VARS1: variants seen among roughly 807,000 people sequenced by gnomAD.
VARS1 encodes valine--tRNA ligase.
Under a neutral mutation model 161.0 loss-of-function variants are expected in VARS1, and 92 were observed. The ratio of observed to expected loss-of-function variants is 0.57; its 90% CI spans 0.48 to 0.68. The LOEUF (loss-of-function observed/expected upper bound fraction) is 0.68, where lower values mean the gene tolerates loss of function less well. VARS1 is among the 30% of genes least tolerant of loss of function. VARS1 has a pLI of 0.00. For synonymous variants in VARS1, 595 were observed against 682.5 expected (o/e 0.87, Z 2.00); for missense variants, 1,338 against 1,695.9 (o/e 0.79, Z 3.71).
In VARS1 at chr6:31,779,471, C is replaced by T. The variant is rs146317957; in HGVS notation, c.3354G>A (p.Val1118=). The change falls in exon 28 of 30, where the codon GTG becomes GTA. Residue 1118 remains valine (V), a synonymous_variant. Transcript: ENST00000375663. This position sits in a 1 kb window ranked among gnomAD's most constrained non-coding sequence, Gnocchi z 9.1. ...GGTTGTAGTCGGCCCGCAGGGAGCG[C>T]ACGGCTCGCGTGATGCTTAGCGCCA... ...LELALSITRA[V]RSLRADYNLT... is the part of the protein sequence containing the mutation. 106 of 1,612,628 alleles carry T rather than the reference C, an allele frequency of 6.6e-5. No homozygotes were observed. The highest frequency in any genetic ancestry group is 2.7e-4 in the Admixed American group (16 of 59,988).
rs764924777 is a variant in VARS1, at chr6:31,784,587, G to A, written c.1467+8C>T. 2 of 1,613,368 alleles carry A rather than the reference G, an allele frequency of 1.2e-6. No individual in the cohort carries two copies. The highest frequency in any genetic ancestry group is 1.7e-6 in the Non-Finnish European group (2 of 1,180,048). On this transcript the variant is annotated splice_region_variant and intron_variant, in intron 11 of 29. Transcript: ENST00000375663. This position sits in a 1 kb window ranked among gnomAD's most constrained non-coding sequence, Gnocchi z 6.1. The stretch of plus-strand genomic sequence containing the variant: ...GGAGATGGAGACAGGCCAGGTTGGG[G>A]GGCGCACCTCAATGTCAGAGATGGC...
At chr6:31,783,033 G>A (rs1813260230) in intron 14 of VARS1, 63 bp downstream of exon 14, 43 of 1,582,914 alleles carry the variant, frequency 2.7e-5, no homozygotes, top group South Asian at 1.1e-5. Flanking sequence ...TCTGAGAGAA[G>A]ATGGACAGCT....
chr6:31,791,474 CAG>C lies in VARS1; in HGVS notation c.1100+134_1100+135del. 2.4e-6 allele frequency: 3 copies of C among 1,265,004 alleles called. No homozygotes were observed. The highest frequency in any genetic ancestry group is 2.9e-5 in the Admixed American group (1 of 34,220). 78.4% of individuals were successfully genotyped at this position (1,265,004 alleles called of 1,614,324 possible). On this transcript the variant is annotated intron_variant, in intron 8 of 29. Transcript: ENST00000375663. The surrounding 1 kb of genome is among the most constrained non-coding windows in gnomAD (Gnocchi z 5.0). ...AAGCTAAATGATCAGATTGGAATGA[CAG>C]AGAGAAGTGTAGCACCACTGGGGGC... is the stretch of plus-strand genomic sequence containing the variant.
Position 31,782,016 on chromosome 6 carries a change from C to T in VARS1, c.2242-64G>A. The T allele has an allele frequency of 6.2e-7, 1 of 1,612,550 alleles. No individual in the cohort carries two copies. The highest frequency in any genetic ancestry group is 8.5e-7 in the Non-Finnish European group (1 of 1,179,366). On this transcript the variant is annotated intron_variant, in intron 18 of 29. Coordinates refer to ENST00000375663, the MANE Select transcript of VARS1 (RefSeq NM_006295.3). The surrounding 1 kb of genome is among the most constrained non-coding windows in gnomAD (Gnocchi z 8.3). ...GCTTCTGGCTCACCCTGCCCCTCCC[C>T]CCACCAAGGACCCAGTAAACCCACC...
rs1452326713 is a variant in VARS1, at chr6:31,778,401, G to A, written c.3726+566C>T. Among the ~76,000 whole-genome samples the A allele has an allele frequency of 6.6e-6, 1 of 152,232 alleles. No individual in the cohort carries two copies. Among genetic ancestry groups the A allele is most frequent in the Non-Finnish European group, 1.5e-5 (1 of 68,048 alleles). ...CCCCAGCTGCTCCCCATGTGTAAGGGGAGGGCCTTCTATGGTCCCTGCTCA... is the reference window on the plus strand; with the variant it reads ...CCCCAGCTGCTCCCCATGTGTAAGGAGAGGGCCTTCTATGGTCCCTGCTCA... On this transcript the variant is annotated intron_variant, in intron 29 of 29. Coordinates refer to ENST00000375663, the MANE Select transcript of VARS1 (RefSeq NM_006295.3). The surrounding 1 kb of genome is among the most constrained non-coding windows in gnomAD (Gnocchi z 5.1).
Position 31,792,263 on chromosome 6 carries a change from A to C in VARS1, c.825T>G (p.Pro275=). ...TTGGGAGGTCATAGGTAATGACCCC[A>C]GGATCCCGTTTCTCCCTCTTCTCTG... The part of the protein sequence containing the change: ...PKPEKREKRD[P]GVITYDLPTP... The change falls in exon 6 of 30, where the codon CCT becomes CCG. Residue 275 remains proline, a synonymous_variant. Transcript: ENST00000375663. The C allele has an allele frequency of 2.5e-6, 4 of 1,613,984 alleles. No individual in the cohort carries two copies. Among genetic ancestry groups the C allele is most frequent in the Non-Finnish European group, 3.4e-6 (4 of 1,179,990 alleles).
intron 2 of VARS1, among the ~76,000 whole-genome samples, chr6:31,794,107 AAAAAG>A (rs1206060859): frequency 2.0e-5 from 3 of 151,626 alleles, no homozygotes; most frequent in East Asian, 1.9e-4. Context: ...AAAAAAAAAA[AAAAAG>A]AAAAGAAAAG....
chr6:31,786,411 A>G (rs1813509972), intron 8 of VARS1, among the ~76,000 whole-genome samples: 1 of 152,186 alleles, frequency 6.6e-6, no homozygotes, highest in Admixed American at 6.5e-5. Flanking sequence ...TCACACCTGT[A>G]ACCCCAGGAC....
Position 31,785,766 on chromosome 6 carries a change from C to T in VARS1, c.1101-33G>A. ...GGGGCATGGAGGACCAGAGGGTGAG[C>T]CAGGCCAGTGGGGCCTGGCACCAAA... is the stretch of plus-strand genomic sequence containing the variant. On this transcript the variant is annotated intron_variant, in intron 8 of 29. Transcript: ENST00000375663. The surrounding 1 kb of genome is among the most constrained non-coding windows in gnomAD (Gnocchi z 6.1). The T allele has an allele frequency of 6.3e-7, 1 of 1,582,118 alleles. No individual in the cohort carries two copies. The highest frequency in any genetic ancestry group is 8.6e-7 in the Non-Finnish European group (1 of 1,168,818).
At chr6:31,793,609 G>A (rs55975002) in intron 2 of VARS1, among the ~76,000 whole-genome samples, 1 of 152,154 alleles carries the variant, frequency 6.6e-6, no homozygotes, top group Non-Finnish European at 1.5e-5. Context: ...ATTATATGAG[G>A]CATCTCAATA....
chr6:31,780,536 G>A lies in VARS1; in HGVS notation c.2830C>T (p.Leu944=), dbSNP rs1196603257. ...RDINLDVNRI[L]GYRHFCNKLW... is the part of the protein sequence containing the mutation. Reference sequence around the variant, plus strand: ...TTGTTGCAGAAGTGGCGGTAACCCAGTATCCGGTTCACATCCAGGTTGATG... The same window carrying A: ...TTGTTGCAGAAGTGGCGGTAACCCAATATCCGGTTCACATCCAGGTTGATG... Residue 944 remains leucine (L), a synonymous_variant, in exon 25 of 30, where the codon CTG becomes TTG. Coordinates refer to ENST00000375663, the MANE Select transcript of VARS1 (RefSeq NM_006295.3). This position sits in a 1 kb window ranked among gnomAD's most constrained non-coding sequence, Gnocchi z 5.1. 6.2e-7 allele frequency: 1 copy of A among 1,613,776 alleles called. No individual in the cohort carries two copies. Among genetic ancestry groups the A allele is most frequent in the African/African-American group, 1.3e-5 (1 of 74,908 alleles).
rs1446904485 is a variant in VARS1, at chr6:31,784,167, GC to G, written c.1671+46del. The stretch of plus-strand genomic sequence containing the variant: ...ACCCCTCCACCCCATAAGGATGGGA[GC>G]CCTTTTTGGCCAGAACTCCTTCCCT... On this transcript the variant is annotated intron_variant, in intron 13 of 29. Coordinates refer to ENST00000375663, the MANE Select transcript of VARS1 (RefSeq NM_006295.3). The surrounding 1 kb of genome is among the most constrained non-coding windows in gnomAD (Gnocchi z 6.1). The G allele has an allele frequency of 6.2e-7, 1 of 1,608,756 alleles. No individual in the cohort carries two copies.
At position 31,794,841 on chromosome 6, in the gene VARS1, T is replaced by C. The variant is rs759882605; in HGVS notation, c.377A>G (p.Gln126Arg). 2 of 1,603,470 alleles carry C rather than the reference T, an allele frequency of 1.2e-6. No homozygotes were observed. Among genetic ancestry groups the C allele is most frequent in the South Asian group, 1.1e-5 (1 of 90,476 alleles). Residue 126 changes from glutamine (Q) to arginine (R), a missense_variant, in exon 2 of 30, where the codon CAG (glutamine) becomes CGG (arginine). Gln to Arg is a conservative substitution (Grantham distance 43, BLOSUM62 1). Coordinates refer to ENST00000375663, the MANE Select transcript of VARS1 (RefSeq NM_006295.3). ...LPALGLRSSA[Q>R]DPQAVLGALG... is the part of the protein sequence containing the mutation. ...GTACAACCCCCTCACCTGGGGGTCC[T>C]GGGCCGAGCTTCGGAGTCCCAGGGC...
chr6:31,793,220 TCAC>T, intron 2 of VARS1, 100 bp from the exon 3 acceptor site: 2 of 1,431,920 alleles, frequency 1.4e-6, no homozygotes, highest in Non-Finnish European at 1.8e-6. Flanking sequence ...CTCTCACAAA[TCAC>T]CACCTCTGAG....
Position 31,779,722 on chromosome 6 carries a change from C to G in VARS1, c.3174G>C (p.Arg1058=). Residue 1058 remains arginine, a synonymous_variant, in exon 27 of 30, where the codon CGG becomes CGC. Coordinates refer to ENST00000375663, the MANE Select transcript of VARS1 (RefSeq NM_006295.3). This position sits in a 1 kb window ranked among gnomAD's most constrained non-coding sequence, Gnocchi z 9.1. ...TLYTCLDVGL[R]LLSPFMPFVT... is the part of the protein sequence containing the mutation. ...CGAAGGGCATGAAGGGTGAGAGCAG[C>G]CGCAGGCCAACGTCCAGGCAAGTGT... 1 of 1,613,034 alleles carries G rather than the reference C, an allele frequency of 6.2e-7. No homozygotes were observed. Among genetic ancestry groups the G allele is most frequent in the Non-Finnish European group, 8.5e-7 (1 of 1,180,008 alleles).
At position 31,792,807 on chromosome 6, in the gene VARS1, A is replaced by G. The variant is rs759266212; in HGVS notation, c.611T>C (p.Leu204Pro). 63 of 1,614,078 alleles carry G rather than the reference A, an allele frequency of 3.9e-5. No individual in the cohort carries two copies. Among genetic ancestry groups the G allele is most frequent in the Non-Finnish European group, 5.3e-5 (63 of 1,180,048 alleles). ...CVRQPEFRAV[L>P]GEVVLYSGAR... ...TCCTGAGTATAGAACCACTTCTCCT[A>G]GCACGGCTCGGAATTCTGGCTGCCG... Residue 204 changes from leucine (L) to proline (P), a missense_variant, in exon 4 of 30, where the codon CTA (leucine) becomes CCA (proline). Physicochemically the swap from Leu to Pro is moderately conservative, Grantham distance 98. Transcript: ENST00000375663.
At position 31,785,852 on chromosome 6, in the gene VARS1, G is replaced by A. The variant is rs1271808807; in HGVS notation, c.1101-119C>T. 16 of 1,325,234 alleles carry A rather than the reference G, an allele frequency of 1.2e-5. No homozygotes were observed. The highest frequency in any genetic ancestry group is 4.4e-5 in the South Asian group (3 of 68,842). The allele number at this position is 1,325,234 out of a possible 1,614,324, so 82.1% of individuals were successfully genotyped here. Reference sequence around the variant, plus strand: ...AAATAAAGAAGCAGGGAGGCCGGACGCGGTGGCTCACGCCTGTAATCCCAG... The same window carrying A: ...AAATAAAGAAGCAGGGAGGCCGGACACGGTGGCTCACGCCTGTAATCCCAG... On this transcript the variant is annotated intron_variant, in intron 8 of 29. Transcript: ENST00000375663. This position sits in a 1 kb window ranked among gnomAD's most constrained non-coding sequence, Gnocchi z 6.1.
Position 31,791,797 on chromosome 6 carries a change from C to T in VARS1, c.973-60G>A. Reference sequence around the variant, plus strand: ...CTCAGGTCACCTCTCCCAGCCCCTCCCAGGCAACACATCCTTCAGTCCTGC... The same window carrying T: ...CTCAGGTCACCTCTCCCAGCCCCTCTCAGGCAACACATCCTTCAGTCCTGC... On this transcript the variant is annotated intron_variant, in intron 7 of 29. Coordinates refer to ENST00000375663, the MANE Select transcript of VARS1 (RefSeq NM_006295.3). This position sits in a 1 kb window ranked among gnomAD's most constrained non-coding sequence, Gnocchi z 5.0. 1 of 1,613,000 alleles carries T rather than the reference C, an allele frequency of 6.2e-7. No individual in the cohort carries two copies. Among genetic ancestry groups the T allele is most frequent in the Non-Finnish European group, 8.5e-7 (1 of 1,180,012 alleles).
Position 31,791,561 on chromosome 6 carries a change from A to C in VARS1, c.1100+49T>G. On this transcript the variant is annotated intron_variant, in intron 8 of 29. Transcript: ENST00000375663. This position sits in a 1 kb window ranked among gnomAD's most constrained non-coding sequence, Gnocchi z 5.0. ...GGGGGGCTGTCAGGGAAAAGGAGAG[A>C]GCCAGACTAGGCAGAGGGAACCAGA... 1 of 1,564,324 alleles carries C rather than the reference A, an allele frequency of 6.4e-7. No individual in the cohort carries two copies. The highest frequency in any genetic ancestry group is 1.2e-5 in the South Asian group (1 of 81,876).
Sources: gnomAD v4.1 joint callset for allele counts (sites outside exome capture counted in the v4.1 genomes callset) on GRCh38, gnomAD v4.1.1 for gene constraint, Gnocchi (gnomAD v3.1) non-coding constraint, MANE v1.5 for transcripts, NCBI Gene and HGNC (gene_info 2026-07-23, HGNC 2026-07-21) for gene names.